Variants in FBXL5 observed in about 807,000 individuals in gnomAD.
FBXL5 encodes F-box/LRR-repeat protein 5.
FBXL5 carries 26 observed loss-of-function variants against 78.3 expected under a neutral mutation model. The observed-to-expected ratio is 0.33, with a 90% CI of 0.24 to 0.46. The LOEUF (loss-of-function observed/expected upper bound fraction) is 0.46, where lower values mean the gene tolerates loss of function less well. Ranked by LOEUF, FBXL5 falls within the 20% of genes least tolerant of loss-of-function variation. FBXL5 has a pLI of 1.00. For missense variants in FBXL5, 710 were observed against 829.2 expected, an observed-to-expected ratio of 0.86 and a Z score of 1.77; for synonymous variants, 295 against 282.5, an observed-to-expected ratio of 1.04 and a Z score of -0.45.
rs551810766 is a variant in FBXL5, at chr4:15,626,916, G to A, written c.1081C>T (p.Leu361=). Residue 361 remains leucine, a synonymous_variant, in exon 8 of 11, where the codon CTG becomes TTG. Transcript: ENST00000341285. The stretch of plus-strand genomic sequence containing the variant: ...GAAATGTCAGTCTGGGTAAGATCCA[G>A]ATGCTCCAGGTTAGGACAAAGCTCT... The part of the protein sequence containing the change: ...ILELCPNLEH[L]DLTQTDISDS... 2 of 1,612,236 alleles carry A rather than the reference G, an allele frequency of 1.2e-6. No homozygotes were observed. Among genetic ancestry groups the A allele is most frequent in the African/African-American group, 2.7e-5 (2 of 74,888 alleles).
At chr4:15,660,237 C>T (rs1461997668), upstream of FBXL5, among the ~76,000 whole-genome samples, 1 of 152,130 alleles carries the variant, frequency 6.6e-6, no homozygotes, top group Non-Finnish European at 1.5e-5. Context: ...GCCACCACAC[C>T]AGGCTAATTT....
chr4:15,654,463 C>T (rs971269546), intron 1 of FBXL5, among the ~76,000 whole-genome samples: 1 of 152,140 alleles, frequency 6.6e-6, no homozygotes, highest in Non-Finnish European at 1.5e-5. Context: ...ACCAACTTTT[C>T]CTGAGGCCCC....
In FBXL5 at chr4:15,622,274, T is replaced by C. The variant is rs180677531; in HGVS notation, c.1850+2978A>G. 1.4e-4 allele frequency among the ~76,000 whole-genome samples: 21 copies of C among 152,362 alleles called. 1 individual carries two copies. In the East Asian group the frequency reaches 4.0e-3, roughly 29 times the overall value. ...AACATTTCTATTCCTATAAATTAAG[T>C]TGTATGTTTACATGAGTTGTATTTT... On this transcript the variant is annotated intron_variant, in intron 9 of 10. Coordinates refer to ENST00000341285, the MANE Select transcript of FBXL5 (RefSeq NM_012161.4).
intron 1 of FBXL5, 39 bp downstream of exon 1, chr4:15,655,164 GC>G: frequency 7.4e-7 from 1 of 1,344,302 alleles, no homozygotes; most frequent in Non-Finnish European, 9.8e-7. Flanking sequence ...CCCCATCGCC[GC>G]CCGCACCGCC....
chr4:15,616,054 C>G (rs574824699), intron 9 of FBXL5, among the ~76,000 whole-genome samples: 107 of 151,950 alleles, frequency 7.0e-4, no homozygotes, highest in Non-Finnish European at 1.3e-3. Context: ...TGAACAACTC[C>G]AGACGCGCTG....
upstream of FBXL5, chr4:15,656,119 C>T (rs1278648210): frequency 6.6e-6 from 3 of 453,836 alleles, no homozygotes; most frequent in African/African-American, 4.0e-5. Flanking sequence ...GCCCGACGGG[C>T]CTTGGGGGTG....
chr4:15,663,857 A>G (rs540849903), upstream of FBXL5, among the ~76,000 whole-genome samples: 3 of 152,158 alleles, frequency 2.0e-5, no homozygotes, highest in South Asian at 6.2e-4. Context: ...TCTCATTTTC[A>G]TCACTGTTCA....
chr4:15,662,850 CATT>C (rs1717378168), upstream of FBXL5, among the ~76,000 whole-genome samples: 1 of 152,134 alleles, frequency 6.6e-6, no homozygotes, highest in African/African-American at 2.4e-5. Context: ...TGTGGCTAAA[CATT>C]ATTCCCAGAT....
chr4:15,672,565 A>T (rs1301941133), intron 1 of FBXL5, among the ~76,000 whole-genome samples: 1 of 152,222 alleles, frequency 6.6e-6, no homozygotes, highest in East Asian at 1.9e-4. Context: ...TAGTAAAAAT[A>T]CAGTATGAAA....
chr4:15,650,759 A>G (rs1715921495), intron 1 of FBXL5, among the ~76,000 whole-genome samples: 2 of 139,564 alleles, frequency 1.4e-5, no homozygotes, highest in South Asian at 2.2e-4. Context: ...TAGCCTCCTG[A>G]GTAGCTGGGA....
chr4:15,610,122 A>C (rs1577417722), intron 10 of FBXL5, among the ~76,000 whole-genome samples: 1 of 152,098 alleles, frequency 6.6e-6, no homozygotes, highest in Non-Finnish European at 1.5e-5. Context: ...AATAGTAACA[A>C]GGATGCCCCT....
chr4:15,654,911 C>G (rs1716663654), intron 1 of FBXL5, among the ~76,000 whole-genome samples: 1 of 152,056 alleles, frequency 6.6e-6, no homozygotes, highest in South Asian at 2.1e-4. Flanking sequence ...GGGGCCGGCC[C>G]GAGGGCGGCC....
At chr4:15,613,949 TTTC>T (rs370281889) in intron 9 of FBXL5, among the ~76,000 whole-genome samples, 283 of 152,318 alleles carry the variant, frequency 1.9e-3, no homozygotes, top group Non-Finnish European at 2.9e-3. Flanking sequence ...AATTGAGAGA[TTTC>T]TTCTTCATTT....
At chr4:15,669,634 T>C (rs139990831) in intron 1 of FBXL5, among the ~76,000 whole-genome samples, 8 of 152,304 alleles carry the variant, frequency 5.3e-5, no homozygotes, top group African/African-American at 1.4e-4. Flanking sequence ...TCAATGATCA[T>C]CAACCCACAG....
intron 10 of FBXL5, among the ~76,000 whole-genome samples, chr4:15,610,471 T>C (rs557651748): frequency 6.6e-6 from 1 of 152,212 alleles, no homozygotes; most frequent in East Asian, 1.9e-4. Flanking sequence ...TTCATCACAA[T>C]TCATTTATTT....
At chr4:15,636,873 T>C (rs1476244228) in intron 4 of FBXL5, among the ~76,000 whole-genome samples, 197 bp from the exon 5 acceptor site, 1 of 152,184 alleles carries the variant, frequency 6.6e-6, no homozygotes, top group Admixed American at 6.5e-5. Flanking sequence ...GGTTAAACTA[T>C]CATGGCCCAA....
In FBXL5 at chr4:15,625,965, A is replaced by T. The variant is rs756181835; in HGVS notation, c.1137T>A (p.Leu379=). 4 of 1,569,040 alleles carry T rather than the reference A, an allele frequency of 2.5e-6. No individual in the cohort carries two copies. The South Asian group carries it at 4.7e-5, about 19-fold the overall frequency. ...GATGCCGAAGACTCTGGCAGCAACC[A>T]AGCCAAGACCAACTATAATTAAAAG... ...SDSAFDSWSW[L]GCCQSLRHLD... Residue 379 remains leucine, a synonymous_variant, in exon 9 of 11, where the codon CTT becomes CTA. Coordinates refer to ENST00000341285, the MANE Select transcript of FBXL5 (RefSeq NM_012161.4).
intron 3 of FBXL5, among the ~76,000 whole-genome samples, chr4:15,638,946 C>T (rs190491247): frequency 1.7e-3 from 256 of 152,214 alleles, no homozygotes; most frequent in Non-Finnish European, 2.7e-3. Flanking sequence ...GGGTAGGTCA[C>T]CTGAGGTCGG....
intron 9 of FBXL5, among the ~76,000 whole-genome samples, chr4:15,622,697 G>A (rs1712608706): frequency 6.6e-6 from 1 of 152,202 alleles, no homozygotes; most frequent in South Asian, 2.1e-4. Flanking sequence ...AACAGTGCAA[G>A]AAATGTAGTA....
Sources: allele counts gnomAD v4.1 joint callset (sites outside exome capture counted in the v4.1 genomes callset), GRCh38; gene constraint gnomAD v4.1.1; transcripts MANE v1.5; gene names NCBI Gene and HGNC (gene_info 2026-07-23, HGNC 2026-07-21).